Variants in FBXL7 observed in about 807,000 individuals in gnomAD.
The protein encoded by FBXL7 is F-box and leucine rich repeat protein 7.
Under a neutral mutation model 38.3 loss-of-function variants are expected in FBXL7, and 12 were observed. That is an observed-to-expected ratio of 0.31 (90% CI 0.20 to 0.51). The LOEUF (loss-of-function observed/expected upper bound fraction) is 0.51, where lower values mean the gene tolerates loss of function less well. Among genes scored for constraint, FBXL7 ranks in the 20% least tolerant of loss-of-function variants. FBXL7 has a pLI of 0.98. For synonymous variants in FBXL7, 297 were observed against 300.9 expected (o/e 0.99, Z 0.13); for missense variants, 567 against 676.4 (o/e 0.84, Z 1.79).
At chr5:15,592,373 C>T (rs1237141749) in intron 1 of FBXL7, among the ~76,000 whole-genome samples, 1 of 152,124 alleles carries the variant, frequency 6.6e-6, no homozygotes, top group Admixed American at 6.6e-5. Context: ...GGATCATGGG[C>T]AATTTAAGTT....
At chr5:15,620,345 G>C (rs577056877) in intron 2 of FBXL7, among the ~76,000 whole-genome samples, 1 of 147,528 alleles carries the variant, frequency 6.8e-6, no homozygotes, top group South Asian at 2.1e-4. Context: ...CGATTCTCCT[G>C]CCTCAGCCTC....
At chr5:15,689,109 G>A (rs1255860209) in intron 2 of FBXL7, among the ~76,000 whole-genome samples, 1 of 152,248 alleles carries the variant, frequency 6.6e-6, no homozygotes, top group Non-Finnish European at 1.5e-5. Flanking sequence ...GAACTCCAAC[G>A]GTGCACGTCA....
chr5:15,600,235 C>G (rs994548168), intron 1 of FBXL7, among the ~76,000 whole-genome samples: 2 of 152,180 alleles, frequency 1.3e-5, no homozygotes, highest in African/African-American at 4.8e-5. Flanking sequence ...GGTCTCTTAT[C>G]AGGAAGGAAT....
chr5:15,621,702 A>C (rs549622763), intron 2 of FBXL7, among the ~76,000 whole-genome samples: 1 of 152,188 alleles, frequency 6.6e-6, no homozygotes, highest in Non-Finnish European at 1.5e-5. Flanking sequence ...TTAAAGGTCA[A>C]ATTTGATTGG....
intron 2 of FBXL7, among the ~76,000 whole-genome samples, chr5:15,926,574 A>T (rs1741882569): frequency 6.6e-6 from 1 of 151,946 alleles, no homozygotes; most frequent in African/African-American, 2.4e-5. Flanking sequence ...TGAGAAAAAG[A>T]GAGAGGAAAT....
chr5:15,517,709 G>A (rs2126368090), intron 1 of FBXL7, among the ~76,000 whole-genome samples: 1 of 152,348 alleles, frequency 6.6e-6, no homozygotes. Flanking sequence ...GAAGAGGCAG[G>A]TGGATTACAG....
chr5:15,630,172 T>C (rs1740952659), intron 2 of FBXL7, among the ~76,000 whole-genome samples: 1 of 152,190 alleles, frequency 6.6e-6, no homozygotes, highest in Non-Finnish European at 1.5e-5. Flanking sequence ...AGAAAGTTTT[T>C]AACATTCTGA....
At chr5:15,881,997 G>A (rs1218848204) in intron 2 of FBXL7, among the ~76,000 whole-genome samples, 1 of 152,126 alleles carries the variant, frequency 6.6e-6, no homozygotes, top group Non-Finnish European at 1.5e-5. Flanking sequence ...GAGGGGACAG[G>A]CACTTCACAT....
At chr5:15,592,732 G>A (rs1429041) in intron 1 of FBXL7, among the ~76,000 whole-genome samples, 83,765 of 151,992 alleles carry the variant, frequency 0.55, 24,470 homozygotes, top group African/African-American at 0.75. Context: ...TTTGTTTTCT[G>A]TATAAATTTA....
intron 1 of FBXL7, among the ~76,000 whole-genome samples, chr5:15,552,040 T>A (rs1009884621): frequency 3.3e-5 from 5 of 152,250 alleles, no homozygotes; most frequent in African/African-American, 1.2e-4. Flanking sequence ...GTTGAAGGTC[T>A]TCTTTTCAGG....
At chr5:15,560,611 C>T (rs1404718949) in intron 1 of FBXL7, among the ~76,000 whole-genome samples, 3 of 152,182 alleles carry the variant, frequency 2.0e-5, no homozygotes, top group African/African-American at 7.2e-5. Flanking sequence ...ATGTTTATTA[C>T]ACATGTCAGG....
At chr5:15,664,093 C>G (rs1179006806) in intron 2 of FBXL7, among the ~76,000 whole-genome samples, 1 of 152,074 alleles carries the variant, frequency 6.6e-6, no homozygotes, top group Non-Finnish European at 1.5e-5. Flanking sequence ...TACATTTTAT[C>G]TCCACTCTTG....
At chr5:15,541,607 C>A (rs1269629387) in intron 1 of FBXL7, among the ~76,000 whole-genome samples, 1 of 138,476 alleles carries the variant, frequency 7.2e-6, no homozygotes, top group Non-Finnish European at 1.5e-5. Flanking sequence ...TACAGTGGTG[C>A]GACCTTGGCT....
At chr5:15,848,141 A>G (rs1486870827) in intron 2 of FBXL7, among the ~76,000 whole-genome samples, 1 of 152,252 alleles carries the variant, frequency 6.6e-6, no homozygotes, top group Non-Finnish European at 1.5e-5. Context: ...TTGTACTGCT[A>G]GAAATGTATT....
At chr5:15,779,628 G>T (rs1467124653) in intron 2 of FBXL7, among the ~76,000 whole-genome samples, 1 of 152,074 alleles carries the variant, frequency 6.6e-6, no homozygotes, top group Admixed American at 6.6e-5. Flanking sequence ...AGGAAAATCA[G>T]CCGTGGCCCA....
chr5:15,759,431 C>G (rs1736384743), intron 2 of FBXL7, among the ~76,000 whole-genome samples: 1 of 151,944 alleles, frequency 6.6e-6, no homozygotes, highest in Admixed American at 6.6e-5. Context: ...GTAATTTTCC[C>G]AGAATTCCCA....
intron 1 of FBXL7, among the ~76,000 whole-genome samples, chr5:15,517,763 A>G (rs1348833521): frequency 6.6e-6 from 1 of 152,222 alleles, no homozygotes; most frequent in Non-Finnish European, 1.5e-5. Context: ...TTACTTCCAC[A>G]TGAAGGACCA....
At chr5:15,935,395 T>C in intron 3 of FBXL7, 1 of 376,340 alleles carries the variant, frequency 2.7e-6, no homozygotes. Context: ...TCCCGAGGCT[T>C]TGCACAGGGG....
At chr5:15,767,616 T>C (rs1372877538) in intron 2 of FBXL7, among the ~76,000 whole-genome samples, 3 of 152,228 alleles carry the variant, frequency 2.0e-5, no homozygotes, top group Admixed American at 2.0e-4. Flanking sequence ...TAGAGGTTCA[T>C]TATAGCAAAA....
Sources: allele counts gnomAD v4.1 joint callset (sites outside exome capture counted in the v4.1 genomes callset), GRCh38; gene constraint gnomAD v4.1.1; transcripts MANE v1.5; gene names NCBI Gene and HGNC (gene_info 2026-07-23, HGNC 2026-07-21).